The following ZBTB7C variants were observed in gnomAD, a reference collection of about 807,000 sequenced individuals.
ZBTB7C encodes the protein zinc finger and BTB domain containing 7C, also known as zinc finger and BTB domain-containing protein 7C.
A neutral mutation model predicts 25.7 loss-of-function variants in ZBTB7C; 8 were observed. That is an observed-to-expected ratio of 0.31 (90% confidence interval 0.18 to 0.56). ZBTB7C has a LOEUF of 0.56. Ranked by LOEUF, ZBTB7C falls within the 20% of genes least tolerant of loss-of-function variation. The pLI, the probability that ZBTB7C is intolerant of heterozygous loss-of-function variation, is 0.91. For synonymous variants in ZBTB7C, 394 were observed against 369.0 expected (o/e 1.07, Z -0.78); for missense variants, 824 against 855.2 (o/e 0.96, Z 0.46).
chr18:48,081,843 T>C (rs186859005), intron 3 of ZBTB7C, among the ~76,000 whole-genome samples: 125 of 152,224 alleles, frequency 8.2e-4, no homozygotes, highest in African/African-American at 2.6e-3. Flanking sequence ...AAGTGGAAGA[T>C]AGACACTGGA....
chr18:48,126,168 T>C (rs750792256), intron 3 of ZBTB7C, among the ~76,000 whole-genome samples: 7 of 152,210 alleles, frequency 4.6e-5, no homozygotes, highest in Non-Finnish European at 1.0e-4. Flanking sequence ...CCCATTATTA[T>C]TACCTGTTCT....
At chr18:48,328,606 G>C (rs558103723) in intron 2 of ZBTB7C, among the ~76,000 whole-genome samples, 1 of 152,304 alleles carries the variant, frequency 6.6e-6, no homozygotes, top group East Asian at 1.9e-4. Context: ...CCATCCATCA[G>C]ATGGGAACCT....
At chr18:48,328,025 G>T (rs1018729363) in intron 2 of ZBTB7C, among the ~76,000 whole-genome samples, 24 of 151,738 alleles carry the variant, frequency 1.6e-4, no homozygotes, top group Admixed American at 1.4e-3. Context: ...TGGCTAACAC[G>T]GTGAAAATTA....
intron 3 of ZBTB7C, among the ~76,000 whole-genome samples, chr18:48,172,968 G>A (rs1165689949): frequency 6.6e-6 from 1 of 152,192 alleles, no homozygotes; most frequent in Non-Finnish European, 1.5e-5. Flanking sequence ...ACTCACTGCA[G>A]AGTAACTCAC....
intron 3 of ZBTB7C, among the ~76,000 whole-genome samples, chr18:48,044,956 G>T (rs2036410680): frequency 6.6e-6 from 1 of 152,254 alleles, no homozygotes; most frequent in Non-Finnish European, 1.5e-5. Context: ...AGGGCACAGA[G>T]ACCTGAGCCT....
intron 2 of ZBTB7C, among the ~76,000 whole-genome samples, chr18:48,321,821 A>G (rs1169619450): frequency 6.6e-6 from 1 of 152,198 alleles, no homozygotes; most frequent in Non-Finnish European, 1.5e-5. Flanking sequence ...CGAGAGCAGC[A>G]TCTCTGCATA....
At chr18:48,254,642 A>G (rs1309487542) in intron 2 of ZBTB7C, among the ~76,000 whole-genome samples, 2 of 152,100 alleles carry the variant, frequency 1.3e-5, no homozygotes, top group African/African-American at 4.8e-5. Flanking sequence ...GACGAACCCC[A>G]TGTATTTACC....
intron 2 of ZBTB7C, among the ~76,000 whole-genome samples, chr18:48,284,397 C>T (rs1254977481): frequency 6.6e-6 from 1 of 151,862 alleles, no homozygotes; most frequent in Non-Finnish European, 1.5e-5. Context: ...CATGATCATG[C>T]CATTGCACTC....
intron 3 of ZBTB7C, among the ~76,000 whole-genome samples, chr18:48,097,378 T>TGTC (rs2038672328): frequency 1.0e-5 from 1 of 98,000 alleles, no homozygotes; most frequent in African/African-American, 3.4e-5. Context: ...TTATTATTGT[T>TGTC]GTTGTTATTA....
At chr18:48,237,818 C>A (rs2043421469) in intron 2 of ZBTB7C, among the ~76,000 whole-genome samples, 1 of 152,070 alleles carries the variant, frequency 6.6e-6, no homozygotes, top group Admixed American at 6.5e-5. Flanking sequence ...ATATTTGCCC[C>A]AAAATGGAAA....
At chr18:48,129,623 T>A (rs970299529) in intron 3 of ZBTB7C, among the ~76,000 whole-genome samples, 1 of 152,066 alleles carries the variant, frequency 6.6e-6, no homozygotes, top group African/African-American at 2.4e-5. Flanking sequence ...CAAAGCAGTG[T>A]CTCTAATGTC....
intron 2 of ZBTB7C, among the ~76,000 whole-genome samples, chr18:48,316,607 G>C (rs1026912351): frequency 6.6e-6 from 1 of 152,198 alleles, no homozygotes; most frequent in Non-Finnish European, 1.5e-5. Context: ...AGGAGAGCTG[G>C]TTGTTTTGAA....
At chr18:48,399,257 G>A (rs966804401) in intron 1 of ZBTB7C, among the ~76,000 whole-genome samples, 22 of 152,224 alleles carry the variant, frequency 1.4e-4, no homozygotes, top group African/African-American at 5.3e-4. Context: ...GCTGCCTCAG[G>A]GTAAGGAAAC....
At chr18:48,272,004 A>T (rs1208962051) in intron 2 of ZBTB7C, among the ~76,000 whole-genome samples, 2 of 152,254 alleles carry the variant, frequency 1.3e-5, no homozygotes, top group Non-Finnish European at 2.9e-5. Context: ...AATTGGAAAC[A>T]AACAACATTC....
chr18:48,089,884 G>A (rs1260593186), intron 3 of ZBTB7C, among the ~76,000 whole-genome samples: 3 of 152,238 alleles, frequency 2.0e-5, no homozygotes, highest in East Asian at 1.9e-4. Flanking sequence ...TTAAAAGCCC[G>A]CTGGGTGAGG....
At chr18:48,374,818 T>C (rs918727423) in intron 1 of ZBTB7C, among the ~76,000 whole-genome samples, 8 of 152,204 alleles carry the variant, frequency 5.3e-5, no homozygotes, top group Admixed American at 3.9e-4. Flanking sequence ...ATGCCTTCCC[T>C]GTACCCACCT....
intron 2 of ZBTB7C, among the ~76,000 whole-genome samples, chr18:48,291,034 T>G (rs532181858): frequency 2.0e-3 from 303 of 152,338 alleles, no homozygotes; most frequent in African/African-American, 7.1e-3. Context: ...GTGCCTGGTA[T>G]CATCACCCTA....
chr18:48,372,082 C>G (rs1376179238), intron 1 of ZBTB7C, among the ~76,000 whole-genome samples: 1 of 152,218 alleles, frequency 6.6e-6, no homozygotes, highest in Non-Finnish European at 1.5e-5. Context: ...CCCCTCACCC[C>G]AGGGCTGCTC....
chr18:48,287,969 T>C (rs1025844292), intron 2 of ZBTB7C, among the ~76,000 whole-genome samples: 3 of 152,212 alleles, frequency 2.0e-5, no homozygotes, highest in Non-Finnish European at 4.4e-5. Flanking sequence ...AGTGATGCAC[T>C]GGAAGCATTC....
Sources: gnomAD v4.1 joint callset for allele counts (sites outside exome capture counted in the v4.1 genomes callset) on GRCh38, gnomAD v4.1.1 for gene constraint, MANE v1.5 for transcripts, NCBI Gene and HGNC (gene_info 2026-07-23, HGNC 2026-07-21) for gene names.